AARS1: variants seen among roughly 807,000 people sequenced by gnomAD.
The protein encoded by AARS1 is alanyl-tRNA synthetase 1.
AARS1 carries 72 observed loss-of-function variants against 108.9 expected under a neutral mutation model. That is an observed-to-expected ratio of 0.66 (90% CI 0.55 to 0.80). The LOEUF (loss-of-function observed/expected upper bound fraction) is 0.80. AARS1 is among the 30% of genes least tolerant of loss of function. The probability of loss-of-function intolerance (pLI) is 0.00; values close to 1 mark genes in which losing one functional copy is unlikely to be tolerated. For missense variants in AARS1, 1,193 were observed against 1,233.2 expected (o/e 0.97, Z 0.49); for synonymous variants, 489 against 465.7 (o/e 1.05, Z -0.64).
chr16:70,286,656 T>C (rs983897532), intron 1 of AARS1, among the ~76,000 whole-genome samples: 3 of 147,434 alleles, frequency 2.0e-5, no homozygotes, highest in Non-Finnish European at 3.0e-5. Context: ...GCTAACACGG[T>C]GAAACCCTGT....
intron 4 of AARS1, 42 bp from the exon 5 acceptor site, chr16:70,272,014 A>T (rs781282353): frequency 1.9e-6 from 3 of 1,593,540 alleles, no homozygotes; most frequent in Admixed American, 3.3e-5. Context: ...AGCCCCTGAC[A>T]AGAGTTCTGC....
chr16:70,272,073 A>G, intron 4 of AARS1, 101 bp from the exon 5 acceptor site: 1 of 1,107,784 alleles, frequency 9.0e-7, no homozygotes, highest in South Asian at 1.3e-5. Context: ...GGCCGGGCAC[A>G]GTGGCTCATG....
Position 70,276,563 on chromosome 16 carries a change from A to G in AARS1, c.402T>C (p.Tyr134=). ...CTTCATCCCCGCCAAAGTAAGTAAC[A>G]TAAAGTCTTTCAATGGGAATGCCAA... is the stretch of plus-strand genomic sequence containing the variant. The part of the protein sequence containing the change: ...QEFGIPIERL[Y]VTYFGGDEAA... Residue 134 remains tyrosine (Y), a synonymous_variant, in exon 4 of 21, where the codon TAT becomes TAC. Coordinates refer to ENST00000261772, the MANE Select transcript of AARS1 (RefSeq NM_001605.3). The G allele has an allele frequency of 6.2e-7, 1 of 1,614,188 alleles. No individual in the cohort carries two copies. The highest frequency in any genetic ancestry group is 8.5e-7 in the Non-Finnish European group (1 of 1,180,024).
At chr16:70,288,875 T>C (rs1343219515) in intron 1 of AARS1, among the ~76,000 whole-genome samples, 1 of 152,136 alleles carries the variant, frequency 6.6e-6, no homozygotes, top group African/African-American at 2.4e-5. Flanking sequence ...CCCTGGGCTA[T>C]TACAGCACAT....
chr16:70,259,643 C>T (rs938730526), intron 13 of AARS1, among the ~76,000 whole-genome samples: 8 of 152,186 alleles, frequency 5.3e-5, no homozygotes, highest in African/African-American at 1.7e-4. Context: ...CCACTACCCC[C>T]AACTAATATT....
rs771037626 is a variant in AARS1 at position 70,252,796 on chromosome 16, G to C, written c.2832C>G (p.Asn944Lys). ...KDVSAQATGKNVGCLQEALQL... is the reference protein window; with the variant it reads ...KDVSAQATGKKVGCLQEALQL... ...GCAGCGCCTCCTGCAGGCAGCCAAC[G>C]TTCTTGCCTGTGGCCTGTGCAGACA... The change falls in exon 21 of 21, where the codon AAC becomes AAG. Residue 944 changes from asparagine (N) to lysine (K), a missense_variant. Transcript: ENST00000261772. The C allele has an allele frequency of 6.2e-7, 1 of 1,614,070 alleles. No homozygotes were observed. Among genetic ancestry groups the C allele is most frequent in the Non-Finnish European group, 8.5e-7 (1 of 1,180,012 alleles).
intron 4 of AARS1, among the ~76,000 whole-genome samples, chr16:70,273,130 G>C (rs1313012943): frequency 6.6e-6 from 1 of 152,022 alleles, no homozygotes; most frequent in African/African-American, 2.4e-5. Flanking sequence ...GGGGAAGTTG[G>C]GTTGGAATAA....
At chr16:70,276,411 G>C in intron 4 of AARS1, 75 bp downstream of exon 4, 1 of 1,524,698 alleles carries the variant, frequency 6.6e-7, no homozygotes, top group Non-Finnish European at 9.1e-7. Flanking sequence ...ACATATTCCA[G>C]GTCATAAAAC....
intron 17 of AARS1, 172 bp downstream of exon 17, chr16:70,254,449 C>T (rs1262422161): frequency 1.5e-6 from 1 of 657,896 alleles, no homozygotes; most frequent in Non-Finnish European, 2.8e-6. Flanking sequence ...TGTCCAGGGT[C>T]CAAGGACAGG....
At chr16:70,264,577 A>C (rs1412479818) in intron 11 of AARS1, among the ~76,000 whole-genome samples, 1 of 152,162 alleles carries the variant, frequency 6.6e-6, no homozygotes, top group Non-Finnish European at 1.5e-5. Context: ...CCGGCCTCCC[A>C]AAGTGTTGGG....
Position 70,253,763 on chromosome 16 carries a change from G to A in AARS1, c.2558C>T (p.Pro853Leu), listed in dbSNP as rs1959907166. The A allele has an allele frequency of 6.2e-7, 1 of 1,614,156 alleles. No homozygotes were observed. The highest frequency in any genetic ancestry group is 8.5e-7 in the Non-Finnish European group (1 of 1,180,036). The change falls in exon 19 of 21, where the codon CCC becomes CTC. Residue 853 changes from proline (P) to leucine (L), a missense_variant. Transcript: ENST00000261772. ...EKTKQFIDSN[P>L]NQPLVILEME... ...CTCCAGGATGACAAGAGGCTGGTTG[G>A]GGTTGCTGTCGATGAACTGCTTCGT...
chr16:70,260,670 ATTTT>A (rs998613323), intron 13 of AARS1, among the ~76,000 whole-genome samples: 5 of 149,822 alleles, frequency 3.3e-5, no homozygotes, highest in Non-Finnish European at 4.5e-5. Flanking sequence ...TGACAGGACA[ATTTT>A]TTTTTTGAGG....
At chr16:70,279,911 GA>G (rs1426908251) in intron 2 of AARS1, among the ~76,000 whole-genome samples, 1 of 151,866 alleles carries the variant, frequency 6.6e-6, no homozygotes, top group Non-Finnish European at 1.5e-5. Flanking sequence ...TCCATTTTGA[GA>G]CAGGGTCTTG....
At chr16:70,280,506 A>T (rs1441565936) in intron 2 of AARS1, among the ~76,000 whole-genome samples, 2 of 152,176 alleles carry the variant, frequency 1.3e-5, no homozygotes, top group Non-Finnish European at 2.9e-5. Context: ...TAAGAGGCAG[A>T]ATATGTCCCC....
chr16:70,258,306 A>C, intron 14 of AARS1, 89 bp from the exon 15 acceptor site: 2 of 1,462,986 alleles, frequency 1.4e-6, no homozygotes, highest in Non-Finnish European at 1.9e-6. Context: ...TGCAGGCAGG[A>C]CTCGGGTTCC....
rs369135192 is a variant in AARS1 at position 70,267,659 on chromosome 16, C to T, written c.1222G>A (p.Gly408Arg). ...QSLGDSKTIPGDTAWLLYDTY... is the reference protein window; with the variant it reads ...QSLGDSKTIPRDTAWLLYDTY... ...GAGAAGGGCAAAAACTGGTACCTAC[C>T]GGGAATGGTCTTGCTGTCTCCCAGG... The change falls in exon 9 of 21, where the codon GGA (glycine) becomes AGA (arginine). Residue 408 changes from glycine to arginine, a missense_variant and splice_region_variant. Physicochemically the swap from Gly to Arg is moderately radical, Grantham distance 125. Coordinates refer to ENST00000261772, the MANE Select transcript of AARS1 (RefSeq NM_001605.3). 2.1e-5 allele frequency: 34 copies of T among 1,613,988 alleles called. No individual in the cohort carries two copies. The highest frequency in any genetic ancestry group is 2.6e-5 in the Non-Finnish European group (31 of 1,180,036).
At chr16:70,255,589 T>TG (rs1959968867) in intron 16 of AARS1, 139 bp downstream of exon 16, 4 of 754,586 alleles carry the variant, frequency 5.3e-6, no homozygotes, top group Admixed American at 2.0e-5. Flanking sequence ...GGTAGGACAC[T>TG]GGGGCAGGGG....
chr16:70,261,312 T>C (rs1018918941), intron 12 of AARS1, 155 bp from the exon 13 acceptor site: 3 of 559,306 alleles, frequency 5.4e-6, no homozygotes, highest in Admixed American at 4.7e-5. Context: ...TATGATTAAA[T>C]AGGCCAGGTG....
At chr16:70,257,933 C>CA in intron 15 of AARS1, 100 bp downstream of exon 15, 1 of 1,401,114 alleles carries the variant, frequency 7.1e-7, no homozygotes, top group Non-Finnish European at 1.0e-6. Flanking sequence ...GAGGACTTCA[C>CA]TTCAACCTTA....
Sources: allele counts gnomAD v4.1 joint callset (sites outside exome capture counted in the v4.1 genomes callset), GRCh38; gene constraint gnomAD v4.1.1; transcripts MANE v1.5; gene names NCBI Gene and HGNC (gene_info 2026-07-23, HGNC 2026-07-21).